USP48: variants seen among roughly 807,000 people sequenced by gnomAD.
USP48 encodes the protein ubiquitin specific peptidase 48.
A neutral mutation model predicts 150.7 loss-of-function variants in USP48; 43 were observed. That is an observed-to-expected ratio of 0.29 (90% CI 0.22 to 0.37). The LOEUF is 0.37. USP48 is among the 10% of genes least tolerant of loss of function. The probability of loss-of-function intolerance (pLI) is 1.00; values close to 1 mark genes in which losing one functional copy is unlikely to be tolerated. For synonymous variants in USP48, 396 were observed against 425.9 expected (o/e 0.93, Z 0.86); for missense variants, 813 against 1,249.6 (o/e 0.65, Z 5.27).
At chr1:21,686,986 T>C (rs1446612220) in intron 25 of USP48, 2 of 576,412 alleles carry the variant, frequency 3.5e-6, no homozygotes, top group Non-Finnish European at 6.1e-6. Context: ...TTATTTCAGT[T>C]TCCTCAGGTT....
chr1:21,679,590 AC>A, intron 26 of USP48, 151 bp from the exon 27 acceptor site: 1 of 900,608 alleles, frequency 1.1e-6, no homozygotes, highest in Non-Finnish European at 1.7e-6. Context: ...AAGACAAAAT[AC>A]CAGCAGACTC....
intron 24 of USP48, among the ~76,000 whole-genome samples, chr1:21,689,546 GA>G (rs935278562): frequency 6.6e-6 from 1 of 152,034 alleles, no homozygotes; most frequent in Non-Finnish European, 1.5e-5. Flanking sequence ...AATCAAATGG[GA>G]AAAATCAGGC....
intron 14 of USP48, among the ~76,000 whole-genome samples, chr1:21,719,016 T>C (rs527629896): frequency 6.9e-4 from 105 of 152,018 alleles, no homozygotes; most frequent in African/African-American, 2.2e-3. Context: ...CCTGTAATCC[T>C]AGCACTTTGG....
At chr1:21,694,880 C>T (rs2097621641) in intron 23 of USP48, among the ~76,000 whole-genome samples, 186 bp downstream of exon 23, 1 of 152,118 alleles carries the variant, frequency 6.6e-6, no homozygotes, top group Admixed American at 6.6e-5. Context: ...ATTGCAGAAC[C>T]AGCCCAAGTT....
At chr1:21,695,337 A>C (rs2097624200) in intron 22 of USP48, 116 bp from the exon 23 acceptor site, 1 of 1,114,320 alleles carries the variant, frequency 9.0e-7, no homozygotes, top group Non-Finnish European at 1.2e-6. Context: ...TAACTATTTG[A>C]AATTCAATGT....
chr1:21,736,328 T>C (rs1183956080), intron 9 of USP48, 118 bp downstream of exon 9: 4 of 1,070,202 alleles, frequency 3.7e-6, no homozygotes, highest in South Asian at 3.4e-5. Flanking sequence ...GTTTAAGAAA[T>C]GCAAATATCC....
At chr1:21,740,061 G>A (rs549046180) in intron 8 of USP48, among the ~76,000 whole-genome samples, 4 of 152,296 alleles carry the variant, frequency 2.6e-5, no homozygotes, top group South Asian at 2.1e-4. Flanking sequence ...ACTGGCATGC[G>A]CCACCATGCC....
intron 1 of USP48, 38 bp from the exon 2 acceptor site, chr1:21,757,821 CAT>C: frequency 1.9e-6 from 3 of 1,552,756 alleles, no homozygotes; most frequent in Non-Finnish European, 2.6e-6. Flanking sequence ...TTTAAAAGAC[CAT>C]AGTTTCATGA....
chr1:21,716,825 G>A (rs1024179056), intron 14 of USP48, among the ~76,000 whole-genome samples: 1 of 151,540 alleles, frequency 6.6e-6, no homozygotes, highest in African/African-American at 2.4e-5. Context: ...TCAGGAGATC[G>A]AGACCATCCT....
At chr1:21,683,532 G>A (rs192172147) in intron 25 of USP48, among the ~76,000 whole-genome samples, 49 of 152,030 alleles carry the variant, frequency 3.2e-4, no homozygotes, top group African/African-American at 9.4e-4. Flanking sequence ...CCACAGGTGC[G>A]AGCCACCATG....
rs1451480872 is a variant in USP48, at chr1:21,772,986, G to A, written c.134+9838C>T. Among the ~76,000 whole-genome samples the A allele has an allele frequency of 3.3e-5, 5 of 150,760 alleles. No individual in the cohort carries two copies. The East Asian group carries it at 5.8e-4, about 18-fold the overall frequency. Reference sequence around the variant, plus strand: ...AGAAAAAAGAAATATTCGGCCGGGCGTGATGGCTCACGCCTGTAATCCAAC... The same window carrying A: ...AGAAAAAAGAAATATTCGGCCGGGCATGATGGCTCACGCCTGTAATCCAAC... On this transcript the variant is annotated intron_variant, in intron 1 of 26. Transcript: ENST00000308271.
At chr1:21,721,843 CA>C (rs1228053766) in intron 12 of USP48, 79 bp from the exon 13 acceptor site, 10 of 1,003,766 alleles carry the variant, frequency 1.0e-5, no homozygotes, top group Non-Finnish European at 1.4e-5. Flanking sequence ...CAGCACTTCA[CA>C]AACACAGACA....
chr1:21,750,508 CACT>C (rs753698647), intron 6 of USP48, among the ~76,000 whole-genome samples: 28 of 152,192 alleles, frequency 1.8e-4, no homozygotes, highest in Non-Finnish European at 3.2e-4. Flanking sequence ...GTGCCTACAC[CACT>C]ACTTTGTAGG....
chr1:21,688,936 C>T (rs775862882), intron 24 of USP48, among the ~76,000 whole-genome samples: 1 of 151,012 alleles, frequency 6.6e-6, no homozygotes. Context: ...CCCATTAAGT[C>T]GTGTATTTTG....
chr1:21,731,595 A>G (rs2097757015), intron 9 of USP48, among the ~76,000 whole-genome samples: 1 of 148,958 alleles, frequency 6.7e-6, no homozygotes, highest in South Asian at 2.2e-4. Context: ...AATGAAATGA[A>G]ATGGGCCAGG....
chr1:21,782,886 C>T lies in USP48; in HGVS notation c.72G>A (p.Ser24=), dbSNP rs145720214. 72 of 1,557,310 alleles carry T rather than the reference C, an allele frequency of 4.6e-5. 1 individual carries two copies. The South Asian group carries it at 8.0e-4, about 17-fold the overall frequency. The change falls in exon 1 of 27, where the codon TCG becomes TCA. Residue 24 remains serine (S), a synonymous_variant. Coordinates refer to ENST00000308271, the MANE Select transcript of USP48 (RefSeq NM_032236.8). ...WAETVRPEEV[S]QEHIETAYRI... is the part of the protein sequence containing the mutation. ...GGTAAGCGGTCTCGATGTGCTCCTG[C>T]GACACCTCCTCGGGCCGCACCGTCT...
intron 25 of USP48, among the ~76,000 whole-genome samples, chr1:21,681,882 C>T (rs1369852359): frequency 1.3e-5 from 2 of 152,140 alleles, no homozygotes; most frequent in African/African-American, 2.4e-5. Context: ...GACCTGTAAC[C>T]TCTTGAAGAC....
intron 15 of USP48, among the ~76,000 whole-genome samples, chr1:21,708,124 T>C (rs986820504): frequency 6.6e-6 from 1 of 152,016 alleles, no homozygotes; most frequent in Non-Finnish European, 1.5e-5. Flanking sequence ...ATAACCACCA[T>C]TGCACTCTGG....
chr1:21,710,377 T>C (rs2097687017), intron 15 of USP48, among the ~76,000 whole-genome samples: 1 of 152,198 alleles, frequency 6.6e-6, no homozygotes, highest in South Asian at 2.1e-4. Context: ...TATAATACTT[T>C]GGGCCTCAGG....
Sources: gnomAD v4.1 joint callset for allele counts (sites outside exome capture counted in the v4.1 genomes callset) on GRCh38, gnomAD v4.1.1 for gene constraint, MANE v1.5 for transcripts, NCBI Gene and HGNC (gene_info 2026-07-23, HGNC 2026-07-21) for gene names.